Variants in CCDC73 observed in about 807,000 individuals in gnomAD.
The protein encoded by CCDC73 is coiled-coil domain-containing protein 73.
Under a neutral mutation model 116.5 loss-of-function variants are expected in CCDC73, and 95 were observed. The observed-to-expected ratio is 0.82, with a 90% CI of 0.69 to 0.97. The LOEUF is 0.97. CCDC73 is among the 50% of genes least tolerant of loss of function. The pLI is 0.00. For synonymous variants in CCDC73, 398 were observed against 401.3 expected (o/e 0.99, Z 0.10); for missense variants, 1,066 against 1,206.8 (o/e 0.88, Z 1.73).
At chr11:32,619,535 C>T (rs1040709133) in intron 14 of CCDC73, among the ~76,000 whole-genome samples, 5 of 151,944 alleles carry the variant, frequency 3.3e-5, no homozygotes, top group African/African-American at 9.7e-5. Context: ...TAGCTGGGTG[C>T]GGTGGCACAC....
intron 11 of CCDC73, 140 bp from the exon 12 acceptor site, chr11:32,653,367 A>G (rs888752896): frequency 2.0e-6 from 1 of 507,990 alleles, no homozygotes; most frequent in Non-Finnish European, 3.4e-6. Flanking sequence ...AACTAATGGC[A>G]CATCTAATGG....
intron 13 of CCDC73, among the ~76,000 whole-genome samples, chr11:32,636,194 C>T (rs994511819): frequency 5.7e-4 from 87 of 152,052 alleles, no homozygotes; most frequent in Middle Eastern, 3.4e-3. Context: ...TACCTCTTGT[C>T]TCATAAAAAA....
intron 3 of CCDC73, among the ~76,000 whole-genome samples, chr11:32,712,781 A>G (rs1289314506): frequency 1.6e-5 from 1 of 63,370 alleles, no homozygotes; most frequent in East Asian, 1.5e-3. Context: ...AAATATGTAT[A>G]TATACACTTC....
chr11:32,634,221 AAAAC>A (rs1267347008), intron 14 of CCDC73, among the ~76,000 whole-genome samples: 1 of 152,218 alleles, frequency 6.6e-6, no homozygotes. Flanking sequence ...TTGCAAAGAA[AAAAC>A]AAACAAAACT....
intron 14 of CCDC73, among the ~76,000 whole-genome samples, chr11:32,620,780 A>G (rs961940450): frequency 6.6e-6 from 1 of 152,086 alleles, no homozygotes; most frequent in Non-Finnish European, 1.5e-5. Flanking sequence ...GCTGCCTACA[A>G]CAATATTTAA....
intron 2 of CCDC73, among the ~76,000 whole-genome samples, chr11:32,739,514 T>C (rs1293774481): frequency 1.3e-5 from 2 of 152,176 alleles, no homozygotes; most frequent in Admixed American, 6.5e-5. Context: ...TGTTGGCATA[T>C]GGAAATGCTA....
At chr11:32,734,539 G>T (rs1451374395) in intron 2 of CCDC73, among the ~76,000 whole-genome samples, 1 of 151,464 alleles carries the variant, frequency 6.6e-6, no homozygotes, top group East Asian at 1.9e-4. Context: ...GTGAACAAAG[G>T]TCTCTGGTTT....
chr11:32,679,648 G>A (rs1379453922), intron 7 of CCDC73, among the ~76,000 whole-genome samples: 1 of 152,138 alleles, frequency 6.6e-6, no homozygotes. Context: ...ACAGGTGTGA[G>A]CCACTGTGCC....
At position 32,635,614 on chromosome 11, in the gene CCDC73, A is replaced by C. The variant is rs149992201; in HGVS notation, c.1185+82T>G. 59 of 1,163,170 alleles carry C rather than the reference A, an allele frequency of 5.1e-5. No homozygotes were observed. In the African/African-American group the frequency reaches 8.8e-4, roughly 17 times the overall value. 72.1% of individuals were successfully genotyped at this position (1,163,170 alleles called of 1,614,324 possible). A position where few individuals can be genotyped will look rare whatever the true frequency, so the allele number is the denominator to read the frequency against. ...CATTTTTTTAAAGTTGAGAAACTTA[A>C]AGTATAAAACAGGGAAAAAAATCAT... On this transcript the variant is annotated intron_variant, in intron 14 of 17. Coordinates refer to ENST00000335185, the MANE Select transcript of CCDC73 (RefSeq NM_001008391.4).
At chr11:32,726,168 A>C (rs1043948922) in intron 2 of CCDC73, among the ~76,000 whole-genome samples, 2 of 152,202 alleles carry the variant, frequency 1.3e-5, no homozygotes, top group South Asian at 4.1e-4. Flanking sequence ...TCACTGAATC[A>C]AAATTTACTC....
chr11:32,829,763 G>T, the CCDC73 span: 38 of 985,296 alleles, frequency 3.9e-5, no homozygotes, highest in Non-Finnish European at 4.3e-5. Flanking sequence ...CTGGCGGCAG[G>T]CGGCTGGCCC....
chr11:32,608,187 A>G (rs1855380113), intron 17 of CCDC73, among the ~76,000 whole-genome samples: 1 of 152,126 alleles, frequency 6.6e-6, no homozygotes, highest in Admixed American at 6.6e-5. Flanking sequence ...TTCAAAACCA[A>G]TCATGCCTTC....
At chr11:32,676,104 G>C in intron 7 of CCDC73, 83 bp from the exon 8 acceptor site, 1 of 1,115,270 alleles carries the variant, frequency 9.0e-7, no homozygotes, top group East Asian at 2.7e-5. Flanking sequence ...ATATATTGTG[G>C]TAAACCACTG....
chr11:32,710,233 T>A (rs767676509), intron 3 of CCDC73, among the ~76,000 whole-genome samples: 1 of 152,212 alleles, frequency 6.6e-6, no homozygotes, highest in Non-Finnish European at 1.5e-5. Context: ...TCTGCTGGGT[T>A]TGGATTGTTC....
chr11:32,625,244 C>T (rs1055287258), intron 14 of CCDC73, among the ~76,000 whole-genome samples: 3 of 152,122 alleles, frequency 2.0e-5, no homozygotes, highest in African/African-American at 4.8e-5. Flanking sequence ...ATTTGCCAGT[C>T]TGTGTCTTTT....
At chr11:32,776,921 T>A (rs1379456014) in intron 1 of CCDC73, among the ~76,000 whole-genome samples, 1 of 131,792 alleles carries the variant, frequency 7.6e-6, no homozygotes, top group East Asian at 2.1e-4. Context: ...CTACAGAGTA[T>A]GGTTAAAAAA....
chr11:32,766,038 C>T (rs1317102534), intron 1 of CCDC73, among the ~76,000 whole-genome samples: 2 of 152,192 alleles, frequency 1.3e-5, no homozygotes, highest in Admixed American at 6.5e-5. Flanking sequence ...CCTTAATGAA[C>T]ATCGATGCAA....
chr11:32,766,542 T>G (rs1334525720), intron 1 of CCDC73, among the ~76,000 whole-genome samples: 1 of 152,210 alleles, frequency 6.6e-6, no homozygotes, highest in East Asian at 1.9e-4. Flanking sequence ...ATGACATGAT[T>G]GTATATTTAG....
chr11:32,825,843 TA>T, the CCDC73 span, among the ~76,000 whole-genome samples: 1 of 152,056 alleles, frequency 6.6e-6, no homozygotes, highest in African/African-American at 2.4e-5. Flanking sequence ...ACAATAGGTG[TA>T]AAAATGCCAA....
Sources: gnomAD v4.1 joint callset for allele counts (sites outside exome capture counted in the v4.1 genomes callset) on GRCh38, gnomAD v4.1.1 for gene constraint, MANE v1.5 for transcripts, NCBI Gene and HGNC (gene_info 2026-07-23, HGNC 2026-07-21) for gene names.